The following PLXNA4 variants were observed in gnomAD, a reference collection of about 807,000 sequenced individuals.
PLXNA4 encodes the protein plexin-A4.
PLXNA4 carries 44 observed loss-of-function variants against 191.8 expected under a neutral mutation model. The observed-to-expected ratio is 0.23, with a 90% CI of 0.18 to 0.29. PLXNA4 has a LOEUF of 0.29. Ranked by LOEUF, PLXNA4 falls within the 10% of genes least tolerant of loss-of-function variation. The pLI is 1.00. For synonymous variants in PLXNA4, 1,082 were observed against 1,009.5 expected, an observed-to-expected ratio of 1.07 and a Z score of -1.36; for missense variants, 1,800 against 2,488.8, an observed-to-expected ratio of 0.72 and a Z score of 5.89.
chr7:132,537,870 C>T (rs1360465407), intron 1 of PLXNA4, among the ~76,000 whole-genome samples: 7 of 152,192 alleles, frequency 4.6e-5, no homozygotes, highest in Admixed American at 2.0e-4. Flanking sequence ...GAGAAGTGCA[C>T]GGGCAGTGGG....
At chr7:132,389,767 A>G (rs554742977) in intron 3 of PLXNA4, among the ~76,000 whole-genome samples, 86 of 152,302 alleles carry the variant, frequency 5.6e-4, no homozygotes, top group African/African-American at 2.0e-3. Context: ...TTTTGATTCC[A>G]TAAGAAATTT....
chr7:132,123,445 CAATT>C lies in PLXNA4; in HGVS notation c.*7030_*7033del, dbSNP rs1794689486. On this transcript the variant is annotated 3_prime_UTR_variant, in exon 32 of 32. Coordinates refer to ENST00000321063, the MANE Select transcript of PLXNA4 (RefSeq NM_020911.2). Reference sequence around the variant, plus strand: ...CCTTATATTTACATACACAGGTATACAATTAATTATAACAAAGGTACAGAAGCTT... The same window carrying C: ...CCTTATATTTACATACACAGGTATACAATTATAACAAAGGTACAGAAGCTT... 1 of 152,104 alleles carries C rather than the reference CAATT, an allele frequency of 6.6e-6. No homozygotes were observed. The allele number at this position is 152,104 out of a possible 1,614,324, so 9.4% of individuals were successfully genotyped here.
At chr7:132,251,171 T>C (rs899462646) in intron 4 of PLXNA4, among the ~76,000 whole-genome samples, 2 of 152,020 alleles carry the variant, frequency 1.3e-5, no homozygotes, top group Non-Finnish European at 2.9e-5. Flanking sequence ...AAGCAAGTTC[T>C]TCATCAGCTG....
intron 3 of PLXNA4, among the ~76,000 whole-genome samples, chr7:132,452,619 T>C (rs1057436158): frequency 6.6e-6 from 1 of 152,200 alleles, no homozygotes; most frequent in Admixed American, 6.5e-5. Flanking sequence ...CCTGGGGGCC[T>C]GATACTCTAC....
intron 4 of PLXNA4, among the ~76,000 whole-genome samples, chr7:132,297,526 C>T (rs1584958409): frequency 6.6e-6 from 1 of 152,214 alleles, no homozygotes; most frequent in African/African-American, 2.4e-5. Flanking sequence ...AAACCTGCAC[C>T]ATATCTGTTC....
chr7:132,409,598 G>T (rs1286075363), intron 3 of PLXNA4, among the ~76,000 whole-genome samples: 1 of 152,116 alleles, frequency 6.6e-6, no homozygotes, highest in Non-Finnish European at 1.5e-5. Flanking sequence ...GGATGAGGGG[G>T]TTAATTGGAT....
intron 5 of PLXNA4, among the ~76,000 whole-genome samples, chr7:132,237,756 G>A (rs895205716): frequency 3.9e-5 from 6 of 152,170 alleles, no homozygotes; most frequent in African/African-American, 7.2e-5. Flanking sequence ...AGAAGGTACC[G>A]TTCTCCCTCT....
At chr7:132,562,455 T>C (rs948738792) in intron 1 of PLXNA4, among the ~76,000 whole-genome samples, 9 of 89,166 alleles carry the variant, frequency 1.0e-4, no homozygotes, top group East Asian at 4.2e-4. Flanking sequence ...TCCTCCTCCT[T>C]CTCCTCCTCC....
chr7:132,148,460 T>C, intron 26 of PLXNA4, 83 bp downstream of exon 26: 1 of 1,575,956 alleles, frequency 6.3e-7, no homozygotes, highest in Non-Finnish European at 8.6e-7. Flanking sequence ...GCTTGGTGTC[T>C]ACCCCTGTTA....
At chr7:132,604,230 T>G (rs539512786) in intron 2 of PLXNA4, among the ~76,000 whole-genome samples, 1 of 152,224 alleles carries the variant, frequency 6.6e-6, no homozygotes, top group South Asian at 2.1e-4. Flanking sequence ...GAGAAATCAG[T>G]CTCTCTCTGG....
rs548779704 is a variant in PLXNA4, at chr7:132,468,123, C to CA, written c.1371+21168dup. On this transcript the variant is annotated intron_variant, in intron 3 of 31. Transcript: ENST00000321063. ...CTCTCTGGAATAAGAGAAAGTTTTACAAAAAAACCCTGTAATCTGGTATCA... is the reference window on the plus strand; with the variant it reads ...CTCTCTGGAATAAGAGAAAGTTTTACAAAAAAAACCCTGTAATCTGGTATCA... Among the ~76,000 whole-genome samples, 393 of 151,958 alleles carry CA rather than the reference C, an allele frequency of 2.6e-3. 2 individuals carry two copies. Among genetic ancestry groups the CA allele is most frequent in the African/African-American group, 8.3e-3 (346 of 41,438 alleles).
intron 3 of PLXNA4, chr7:132,384,749 C>T (rs947861510): frequency 1.1e-4 from 4 of 36,722 alleles, no homozygotes; most frequent in East Asian, 1.3e-3. Context: ...TAAGCATACA[C>T]ACACACACAC....
At chr7:132,189,010 G>GGAGAGGAAAGGAAA (rs1562908987) in intron 14 of PLXNA4, among the ~76,000 whole-genome samples, 4 of 69,080 alleles carry the variant, frequency 5.8e-5, no homozygotes, top group Admixed American at 2.9e-4. Flanking sequence ...GAGAGAGAGA[G>GGAGAGGAAAGGAAA]AGAGAGAGAG....
chr7:132,337,424 T>TACCTGTGTTGTGCACATTC, intron 3 of PLXNA4, among the ~76,000 whole-genome samples: 1 of 152,238 alleles, frequency 6.6e-6, no homozygotes, highest in Admixed American at 6.5e-5. Context: ...AGCGCACATA[T>TACCTGTGTTGTGCACATTC]ACCTGTGTTG....
At chr7:132,312,190 T>C (rs13231950) in intron 3 of PLXNA4, among the ~76,000 whole-genome samples, 27,008 of 143,334 alleles carry the variant, frequency 0.19, 2,780 homozygotes, top group Admixed American at 0.3. Context: ...CTGTATGGGT[T>C]ACTCCTTCTG....
chr7:132,562,283 CCTCCTCCTT>C (rs1248025288), intron 1 of PLXNA4, among the ~76,000 whole-genome samples: 5 of 131,076 alleles, frequency 3.8e-5, no homozygotes, highest in African/African-American at 9.5e-5. Flanking sequence ...TCCTTCTCCT[CCTCCTCCTT>C]CTCCTCCTTC....
intron 22 of PLXNA4, 81 bp from the exon 23 acceptor site, chr7:132,165,281 AAGGG>A (rs1433561103): frequency 6.5e-7 from 1 of 1,542,512 alleles, no homozygotes; most frequent in African/African-American, 1.4e-5. Context: ...TGGGAAGGGC[AAGGG>A]AGGAATTGTG....
chr7:132,569,642 G>A (rs1467125904), intron 1 of PLXNA4, among the ~76,000 whole-genome samples: 3 of 152,194 alleles, frequency 2.0e-5, no homozygotes, highest in African/African-American at 7.2e-5. Flanking sequence ...TTTAGTTAGA[G>A]TTATCTACAT....
At chr7:132,606,807 A>G (rs1220079696) in intron 2 of PLXNA4, among the ~76,000 whole-genome samples, 1 of 152,210 alleles carries the variant, frequency 6.6e-6, no homozygotes, top group Non-Finnish European at 1.5e-5. Flanking sequence ...AAAAAATTTC[A>G]TTCATCAGAA....
Sources: gnomAD v4.1 joint callset for allele counts (sites outside exome capture counted in the v4.1 genomes callset) on GRCh38, gnomAD v4.1.1 for gene constraint, MANE v1.5 for transcripts, NCBI Gene and HGNC (gene_info 2026-07-23, HGNC 2026-07-21) for gene names.